XKR4: variants seen among roughly 807,000 people sequenced by gnomAD.
The protein encoded by XKR4 is XK-related protein 4.
Under a neutral mutation model 53.9 loss-of-function variants are expected in XKR4, and 12 were observed. The ratio of observed to expected loss-of-function variants is 0.22; its 90% CI spans 0.14 to 0.36. The LOEUF is 0.36. Ranked by LOEUF, XKR4 falls within the 10% of genes least tolerant of loss-of-function variation. XKR4 has a pLI of 1.00. For synonymous variants in XKR4, 354 were observed against 362.4 expected, an observed-to-expected ratio of 0.98 and a Z score of 0.26; for missense variants, 799 against 859.5, an observed-to-expected ratio of 0.93 and a Z score of 0.88.
chr8:55,201,860 C>T (rs1419860816), intron 1 of XKR4, among the ~76,000 whole-genome samples: 1 of 152,154 alleles, frequency 6.6e-6, no homozygotes, highest in African/African-American at 2.4e-5. Flanking sequence ...GGATGGTTTC[C>T]AATCAATATC....
At chr8:55,119,175 G>A (rs1414397898) in intron 1 of XKR4, among the ~76,000 whole-genome samples, 1 of 152,180 alleles carries the variant, frequency 6.6e-6, no homozygotes, top group Non-Finnish European at 1.5e-5. Flanking sequence ...TCACTGTCCT[G>A]CAAGAGTCTG....
intron 2 of XKR4, chr8:55,450,410 T>C (rs769137029): frequency 2.4e-5 from 14 of 582,546 alleles, no homozygotes; most frequent in Non-Finnish European, 4.0e-5. Flanking sequence ...TTGTGGAACA[T>C]GGCTGTCCTC....
chr8:55,335,476 A>G (rs1323525374), intron 1 of XKR4, among the ~76,000 whole-genome samples: 1 of 152,236 alleles, frequency 6.6e-6, no homozygotes, highest in Admixed American at 6.5e-5. Context: ...TAAAAAATGC[A>G]TGCCAATAGA....
intron 1 of XKR4, among the ~76,000 whole-genome samples, chr8:55,314,449 A>C (rs1819433256): frequency 6.6e-6 from 1 of 152,134 alleles, no homozygotes. Context: ...AAGGAACAGC[A>C]GGAGAGGCCA....
chr8:55,435,126 G>T (rs1297515663), intron 2 of XKR4, among the ~76,000 whole-genome samples: 1 of 152,208 alleles, frequency 6.6e-6, no homozygotes, highest in African/African-American at 2.4e-5. Flanking sequence ...ACCAGATTGT[G>T]CATGAATACA....
intron 1 of XKR4, among the ~76,000 whole-genome samples, chr8:55,338,966 G>T (rs774825904): frequency 1.3e-5 from 2 of 152,144 alleles, no homozygotes; most frequent in African/African-American, 2.4e-5. Flanking sequence ...TAGATAGTTT[G>T]GTGTTAGGAC....
intron 2 of XKR4, among the ~76,000 whole-genome samples, chr8:55,458,493 C>T (rs1805603240): frequency 6.6e-6 from 1 of 152,200 alleles, no homozygotes; most frequent in South Asian, 2.1e-4. Flanking sequence ...CAGTGGAGGG[C>T]CACTGTGACA....
chr8:55,422,581 C>G (rs1485859720), intron 2 of XKR4, among the ~76,000 whole-genome samples: 3 of 152,156 alleles, frequency 2.0e-5, no homozygotes, highest in African/African-American at 7.2e-5. Flanking sequence ...TAGTCTACAT[C>G]GAATCCCAGG....
At chr8:55,208,218 TA>T in intron 1 of XKR4, among the ~76,000 whole-genome samples, 1 of 152,198 alleles carries the variant, frequency 6.6e-6, no homozygotes, top group Non-Finnish European at 1.5e-5. Context: ...TTCCAGTATG[TA>T]ATATTATTAA....
rs953519624 is a variant in XKR4, at chr8:55,463,602, A to C, written c.1007-59679A>C. Among the ~76,000 whole-genome samples the C allele has an allele frequency of 2.3e-3, 345 of 152,268 alleles. 3 individuals are homozygous for C. Among genetic ancestry groups the C allele is most frequent in the African/African-American group, 7.7e-3 (320 of 41,528 alleles). On this transcript the variant is annotated intron_variant, in intron 2 of 2. Coordinates refer to ENST00000327381, the MANE Select transcript of XKR4 (RefSeq NM_052898.2). ...AGAGCAAACACGTTCAAAAGCTAGCAGAAGGCAAGAAATAACTAATATCAG... is the reference window on the plus strand; with the variant it reads ...AGAGCAAACACGTTCAAAAGCTAGCCGAAGGCAAGAAATAACTAATATCAG...
intron 1 of XKR4, among the ~76,000 whole-genome samples, chr8:55,286,465 A>C (rs571446333): frequency 6.6e-6 from 1 of 152,232 alleles, no homozygotes; most frequent in South Asian, 2.1e-4. Context: ...GGTCTGGAGT[A>C]CTGGGTGGGA....
intron 2 of XKR4, among the ~76,000 whole-genome samples, chr8:55,484,762 G>A (rs1273442052): frequency 3.3e-5 from 5 of 152,204 alleles, no homozygotes; most frequent in Non-Finnish European, 7.3e-5. Context: ...CTGAAGGCCT[G>A]AATAGAAAAG....
chr8:55,126,796 A>G (rs1467898973), intron 1 of XKR4, among the ~76,000 whole-genome samples: 2 of 152,248 alleles, frequency 1.3e-5, no homozygotes, highest in African/African-American at 2.4e-5. Flanking sequence ...GTCAAATAGC[A>G]TGTATCAATC....
At chr8:55,139,882 C>A (rs1585899436) in intron 1 of XKR4, among the ~76,000 whole-genome samples, 1 of 152,212 alleles carries the variant, frequency 6.6e-6, no homozygotes, top group Non-Finnish European at 1.5e-5. Context: ...CAATAAAAAA[C>A]AATGATAAAA....
intron 1 of XKR4, among the ~76,000 whole-genome samples, chr8:55,351,093 G>A (rs1585533797): frequency 6.6e-6 from 1 of 152,218 alleles, no homozygotes; most frequent in African/African-American, 2.4e-5. Context: ...TGGTGGTGAT[G>A]TTTGCACAGC....
At chr8:55,272,124 G>T (rs572959116) in intron 1 of XKR4, among the ~76,000 whole-genome samples, 65 of 152,234 alleles carry the variant, frequency 4.3e-4, no homozygotes, top group Middle Eastern at 3.4e-3. Context: ...ATCCTAACAG[G>T]TACAATGAAA....
At chr8:55,418,911 T>G (rs564902130) in intron 2 of XKR4, among the ~76,000 whole-genome samples, 1 of 152,164 alleles carries the variant, frequency 6.6e-6, no homozygotes, top group East Asian at 1.9e-4. Flanking sequence ...TTAATTAGCA[T>G]TTACTTCTAC....
intron 1 of XKR4, among the ~76,000 whole-genome samples, chr8:55,350,728 T>TTTTTC: frequency 6.7e-6 from 1 of 150,372 alleles, no homozygotes; most frequent in South Asian, 2.1e-4. Flanking sequence ...TTTTCTTTTC[T>TTTTTC]TTTTCTTTTC....
chr8:55,295,423 A>T (rs1819087935), intron 1 of XKR4, among the ~76,000 whole-genome samples: 1 of 152,212 alleles, frequency 6.6e-6, no homozygotes, highest in Non-Finnish European at 1.5e-5. Flanking sequence ...GGTATTCCAC[A>T]GTGAAGAAAG....
Sources: gnomAD v4.1 joint callset for allele counts (sites outside exome capture counted in the v4.1 genomes callset) on GRCh38, gnomAD v4.1.1 for gene constraint, MANE v1.5 for transcripts, NCBI Gene and HGNC (gene_info 2026-07-23, HGNC 2026-07-21) for gene names.